The following LINGO2 variants were observed in gnomAD, a reference collection of about 807,000 sequenced individuals.
The protein encoded by LINGO2 is leucine rich repeat and Ig domain containing 2.
LINGO2 carries 14 observed loss-of-function variants against 30.6 expected under a neutral mutation model. The observed-to-expected ratio is 0.46, with a 90% CI of 0.30 to 0.72. The LOEUF is 0.72. Ranked by LOEUF, LINGO2 falls within the 30% of genes least tolerant of loss-of-function variation. LINGO2 has a pLI of 0.07. For synonymous variants in LINGO2, 317 were observed against 288.5 expected (o/e 1.10, Z -1.00); for missense variants, 729 against 751.7 (o/e 0.97, Z 0.35).
intron 3 of LINGO2, among the ~76,000 whole-genome samples, chr9:28,309,822 C>A (rs1332682540): frequency 2.6e-5 from 4 of 151,430 alleles, no homozygotes; most frequent in Non-Finnish European, 5.9e-5. Context: ...CATATAAAAG[C>A]AAACCAATTT....
the LINGO2 span, among the ~76,000 whole-genome samples, chr9:28,707,561 C>T: frequency 1.3e-5 from 2 of 152,092 alleles, no homozygotes; most frequent in African/African-American, 4.8e-5. Context: ...TGAAATTCAG[C>T]TACAGTGAAA....
chr9:28,826,501 A>T, the LINGO2 span, among the ~76,000 whole-genome samples: 1 of 152,150 alleles, frequency 6.6e-6, no homozygotes, highest in Admixed American at 6.6e-5. Flanking sequence ...CAAAAAGAGC[A>T]TCACAGGCCT....
intron 4 of LINGO2, among the ~76,000 whole-genome samples, chr9:28,048,773 GAT>G (rs1236893021): frequency 6.6e-6 from 1 of 150,584 alleles, no homozygotes. Context: ...TCATTAAAAT[GAT>G]AATTATGAAG....
intron 1 of LINGO2, among the ~76,000 whole-genome samples, chr9:28,549,613 A>G (rs1048363096): frequency 1.3e-5 from 2 of 152,004 alleles, no homozygotes; most frequent in Admixed American, 6.6e-5. Flanking sequence ...GTCCTTACCA[A>G]TAATGGGTAT....
chr9:29,174,509 A>G, the LINGO2 span, among the ~76,000 whole-genome samples: 2,957 of 152,322 alleles, frequency 0.019, 67 homozygotes, highest in Admixed American at 0.055. Context: ...GATTTTTTGA[A>G]AACTACTTAA....
intron 3 of LINGO2, among the ~76,000 whole-genome samples, chr9:28,363,078 T>C (rs1233289736): frequency 6.6e-6 from 1 of 152,080 alleles, no homozygotes; most frequent in Non-Finnish European, 1.5e-5. Context: ...CAAAACAAGA[T>C]TATCCTATTT....
intron 4 of LINGO2, among the ~76,000 whole-genome samples, chr9:28,273,247 G>T (rs1473863886): frequency 1.3e-5 from 2 of 152,160 alleles, no homozygotes; most frequent in African/African-American, 2.4e-5. Flanking sequence ...GAGTTATCTT[G>T]TTATTGAATG....
chr9:29,211,966 T>A, the LINGO2 span, among the ~76,000 whole-genome samples: 1 of 152,088 alleles, frequency 6.6e-6, no homozygotes, highest in Admixed American at 6.5e-5. Flanking sequence ...GAAAGGCACC[T>A]TTTTTAGATA....
intron 1 of LINGO2, among the ~76,000 whole-genome samples, chr9:28,531,048 A>AATATATATATATATATAT (rs543973777): frequency 6.8e-6 from 1 of 146,454 alleles, no homozygotes; most frequent in African/African-American, 2.5e-5. Flanking sequence ...TATAAAAATA[A>AATATATATATATATATAT]ATATATATAT....
intron 3 of LINGO2, among the ~76,000 whole-genome samples, chr9:28,368,505 T>C (rs969579860): frequency 6.6e-6 from 1 of 152,114 alleles, no homozygotes; most frequent in Non-Finnish European, 1.5e-5. Context: ...TTCATAAGCA[T>C]ACTTTTATTT....
chr9:29,151,038 G>A, the LINGO2 span, among the ~76,000 whole-genome samples: 33 of 152,042 alleles, frequency 2.2e-4, no homozygotes, highest in African/African-American at 7.7e-4. Flanking sequence ...TACAAAGTGA[G>A]TCCCATCAGG....
At chr9:29,208,081 A>C in the LINGO2 span, among the ~76,000 whole-genome samples, 1 of 152,202 alleles carries the variant, frequency 6.6e-6, no homozygotes, top group Admixed American at 6.5e-5. Context: ...ATAATATATT[A>C]GGTTTGTGTT....
chr9:28,162,267 A>G (rs1026199656), intron 4 of LINGO2, among the ~76,000 whole-genome samples: 2 of 152,176 alleles, frequency 1.3e-5, no homozygotes, highest in African/African-American at 4.8e-5. Flanking sequence ...AACTTGAATG[A>G]TATTGTTTGT....
the LINGO2 span, among the ~76,000 whole-genome samples, chr9:29,198,754 A>C: frequency 6.6e-6 from 1 of 152,180 alleles, no homozygotes; most frequent in African/African-American, 2.4e-5. Context: ...GCAACTAAGA[A>C]GAAACAATCT....
At chr9:28,900,634 G>A in the LINGO2 span, among the ~76,000 whole-genome samples, 2 of 152,160 alleles carry the variant, frequency 1.3e-5, no homozygotes, top group South Asian at 2.1e-4. Context: ...TATGAATCAT[G>A]GCAGATAGTC....
At chr9:28,659,032 A>C (rs1335732508) in intron 1 of LINGO2, among the ~76,000 whole-genome samples, 2 of 152,106 alleles carry the variant, frequency 1.3e-5, no homozygotes, top group Non-Finnish European at 2.9e-5. Context: ...ATTCTTTGTT[A>C]CTATTATTGC....
At chr9:28,199,505 A>T (rs1324671824) in intron 4 of LINGO2, among the ~76,000 whole-genome samples, 1 of 151,786 alleles carries the variant, frequency 6.6e-6, no homozygotes, top group Non-Finnish European at 1.5e-5. Flanking sequence ...CGCTCGGCTA[A>T]TTTTTTGTAT....
intron 1 of LINGO2, among the ~76,000 whole-genome samples, chr9:28,561,749 G>GTGTGTGTATATATATATATA (rs772157537): frequency 2.1e-5 from 1 of 48,754 alleles, no homozygotes; most frequent in Non-Finnish European, 3.6e-5. Context: ...GTGTGTGTGT[G>GTGTGTGTATATATATATATA]TATATATATA....
At chr9:28,284,228 C>T (rs1183280669) in intron 4 of LINGO2, among the ~76,000 whole-genome samples, 1 of 152,138 alleles carries the variant, frequency 6.6e-6, no homozygotes, top group Admixed American at 6.6e-5. Context: ...CTTTCCAGTC[C>T]TCCTTTGTTT....
Sources: allele counts gnomAD v4.1 joint callset (sites outside exome capture counted in the v4.1 genomes callset), GRCh38; gene constraint gnomAD v4.1.1; transcripts MANE v1.5; gene names NCBI Gene and HGNC (gene_info 2026-07-23, HGNC 2026-07-21).